The following CDKN3 variants were observed in gnomAD, a reference collection of about 807,000 sequenced individuals.
CDKN3 encodes cyclin dependent kinase inhibitor 3, also known as cyclin-dependent kinase inhibitor 3.
In CDKN3, 19 loss-of-function variants were observed where a neutral mutation model predicts 36.1. That is an observed-to-expected ratio of 0.53 (90% CI 0.37 to 0.77). The LOEUF (loss-of-function observed/expected upper bound fraction) is 0.77. CDKN3 is among the 30% of genes least tolerant of loss of function. The pLI is 0.00. For missense variants in CDKN3, 188 were observed against 248.6 expected, an observed-to-expected ratio of 0.76 and a Z score of 1.64; for synonymous variants, 71 against 85.3, an observed-to-expected ratio of 0.83 and a Z score of 0.92.
chr14:54,420,110 C>G lies in CDKN3; in HGVS notation c.*32C>G. ...TCAAATAGCATATATATGACCATGT[C>G]TGAAATGTCAGTTCTCTAGCATAAT... On this transcript the variant is annotated 3_prime_UTR_variant, in exon 8 of 8. Transcript: ENST00000335183. The G allele has an allele frequency of 1.6e-6, 2 of 1,227,500 alleles. No homozygotes were observed. Among genetic ancestry groups the G allele is most frequent in the Non-Finnish European group, 2.4e-6 (2 of 837,684 alleles). 76.0% of individuals were successfully genotyped at this position (1,227,500 alleles called of 1,614,324 possible). A position where few individuals can be genotyped will look rare whatever the true frequency, so the allele number is the denominator to read the frequency against.
intron 3 of CDKN3, 91 bp downstream of exon 3, chr14:54,401,670 T>C (rs1223886896): frequency 1.6e-5 from 15 of 947,446 alleles, no homozygotes. Flanking sequence ...CAGGTGGTGT[T>C]TGGTTACATA....
chr14:54,411,397 T>C lies in CDKN3; in HGVS notation c.194-87T>C, dbSNP rs4251637. ...TTTGGTATTAGTTTGGCTTAAGAAA[T>C]TTAATTTCATATTCTCCCTCTTGAT... On this transcript the variant is annotated intron_variant, in intron 4 of 7. Coordinates refer to ENST00000335183, the MANE Select transcript of CDKN3 (RefSeq NM_005192.4). 7.4e-3 allele frequency: 7,811 copies of C among 1,054,386 alleles called. 374 individuals are homozygous for C. The African/African-American group carries it at 0.11, about 15-fold the overall frequency. 65.3% of individuals were successfully genotyped at this position (1,054,386 alleles called of 1,614,324 possible).
chr14:54,420,180 T>C lies in CDKN3; in HGVS notation c.*102T>C, dbSNP rs2030680115. ...CCAGTGTTATCAACTTGAATGTAAA[T>C]GTACATGTGCAGATATTCCTAAAGT... On this transcript the variant is annotated 3_prime_UTR_variant, in exon 8 of 8. Transcript: ENST00000335183. The C allele has an allele frequency of 6.1e-6, 4 of 653,068 alleles. No individual in the cohort carries two copies. The highest frequency in any genetic ancestry group is 2.6e-5 in the Admixed American group (1 of 38,780). 40.5% of individuals were successfully genotyped at this position (653,068 alleles called of 1,614,324 possible). A position where few individuals can be genotyped will look rare whatever the true frequency, so the allele number is the denominator to read the frequency against.
intron 2 of CDKN3, 79 bp downstream of exon 2, chr14:54,400,055 TTAG>T: frequency 1.3e-6 from 1 of 766,632 alleles, no homozygotes; most frequent in Non-Finnish European, 2.4e-6. Context: ...CATCATAATC[TTAG>T]TAGAATGTAG....
chr14:54,408,646 C>T (rs772566382), intron 3 of CDKN3, 99 bp from the exon 4 acceptor site: 59 of 1,213,234 alleles, frequency 4.9e-5, no homozygotes, highest in African/African-American at 8.0e-5. Context: ...TAAATGATTA[C>T]GTGAAATGAC....
intron 3 of CDKN3, 151 bp downstream of exon 3, chr14:54,401,730 G>C (rs975371370): frequency 3.5e-6 from 2 of 579,178 alleles, no homozygotes; most frequent in Non-Finnish European, 6.1e-6. Context: ...CCCATCACCA[G>C]AGCAGTATAC....
intron 3 of CDKN3, chr14:54,408,476 G>A (rs2030238433): frequency 3.0e-6 from 1 of 333,812 alleles, no homozygotes; most frequent in Non-Finnish European, 5.4e-6. Flanking sequence ...TCTTAATAAA[G>A]CTTAAAGCCT....
chr14:54,419,684 A>T (rs979075342), intron 7 of CDKN3, among the ~76,000 whole-genome samples: 3 of 152,208 alleles, frequency 2.0e-5, no homozygotes, highest in Non-Finnish European at 4.4e-5. Context: ...AAATAATGCC[A>T]TTATGTACTG....
At chr14:54,418,239 C>T (rs1291296246) in intron 7 of CDKN3, 5 of 701,990 alleles carry the variant, frequency 7.1e-6, no homozygotes, top group Non-Finnish European at 1.3e-5. Context: ...CAGTTTTTGC[C>T]CCAGTCCGTT....
At chr14:54,401,137 G>GT (rs1426495986) in intron 2 of CDKN3, among the ~76,000 whole-genome samples, 2 of 152,004 alleles carry the variant, frequency 1.3e-5, no homozygotes. Context: ...AATTAACTTG[G>GT]TTTTTTGTTT....
chr14:54,415,819 A>G, intron 5 of CDKN3, 80 bp from the exon 6 acceptor site: 1 of 982,270 alleles, frequency 1.0e-6, no homozygotes, highest in Non-Finnish European at 1.7e-6. Context: ...TTGTAAATAG[A>G]AGGCAGAAAG....
Position 54,420,078 on chromosome 14 carries a change from A to G in CDKN3, c.639A>G (p.Ter213=). The G allele has an allele frequency of 6.4e-7, 1 of 1,550,488 alleles. No individual in the cohort carries two copies. The highest frequency in any genetic ancestry group is 2.3e-5 in the East Asian group (1 of 44,406). ...CACAATCAAGATCTGTATCAAGATA[A>G]AGGAATTCAAATAGCATATATATGA... ...RDSQSRSVSR[*] is the part of the protein sequence containing the mutation. The change falls in exon 8 of 8, where the codon TAA becomes TAG. Residue 213 remains the stop codon, a stop_retained_variant. Coordinates refer to ENST00000335183, the MANE Select transcript of CDKN3 (RefSeq NM_005192.4).
intron 6 of CDKN3, among the ~76,000 whole-genome samples, chr14:54,416,527 A>C (rs777931753): frequency 6.6e-5 from 10 of 152,184 alleles, no homozygotes; most frequent in Non-Finnish European, 1.3e-4. Context: ...CTCAGTAATA[A>C]AGATAGGCCG....
At chr14:54,407,165 C>T (rs1433628077) in intron 3 of CDKN3, among the ~76,000 whole-genome samples, 2 of 152,204 alleles carry the variant, frequency 1.3e-5, no homozygotes, top group Admixed American at 1.3e-4. Context: ...CTGGGTATCA[C>T]CAGTGGAGGC....
chr14:54,420,153 C>A lies in CDKN3; in HGVS notation c.*75C>A. ...AGCATAATTTGTATTGAAATGAAAC[C>A]ACCAGTGTTATCAACTTGAATGTAA... On this transcript the variant is annotated 3_prime_UTR_variant, in exon 8 of 8. Transcript: ENST00000335183. The A allele has an allele frequency of 1.2e-6, 1 of 811,166 alleles. No homozygotes were observed. Among genetic ancestry groups the A allele is most frequent in the Non-Finnish European group, 2.0e-6 (1 of 493,554 alleles). 50.2% of individuals were successfully genotyped at this position (811,166 alleles called of 1,614,324 possible).
intron 6 of CDKN3, among the ~76,000 whole-genome samples, 193 bp downstream of exon 6, chr14:54,416,123 G>C (rs1377716320): frequency 6.6e-6 from 1 of 152,150 alleles, no homozygotes; most frequent in African/African-American, 2.4e-5. Flanking sequence ...TTTCAGCATT[G>C]TTCTGGAGGA....
intron 3 of CDKN3, among the ~76,000 whole-genome samples, chr14:54,407,468 C>T (rs2030200619): frequency 6.6e-6 from 1 of 152,222 alleles, no homozygotes; most frequent in Non-Finnish European, 1.5e-5. Flanking sequence ...GCCAGGTGCT[C>T]TCTCCTAGGG....
At chr14:54,405,952 G>A (rs915126431) in intron 3 of CDKN3, among the ~76,000 whole-genome samples, 5 of 152,164 alleles carry the variant, frequency 3.3e-5, no homozygotes, top group African/African-American at 1.2e-4. Context: ...TTGCATTTTT[G>A]TATGTTTTTG....
At chr14:54,413,270 A>C (rs2030421334) in intron 5 of CDKN3, among the ~76,000 whole-genome samples, 1 of 152,224 alleles carries the variant, frequency 6.6e-6, no homozygotes, top group African/African-American at 2.4e-5. Flanking sequence ...TGATACATAT[A>C]GGTAAAATAG....
Sources: allele counts gnomAD v4.1 joint callset (sites outside exome capture counted in the v4.1 genomes callset), GRCh38; gene constraint gnomAD v4.1.1; transcripts MANE v1.5; gene names NCBI Gene and HGNC (gene_info 2026-07-23, HGNC 2026-07-21).